MDN1: variants seen among roughly 807,000 people sequenced by gnomAD.
MDN1 encodes the protein midasin AAA ATPase 1.
MDN1 carries 266 observed loss-of-function variants against 669.2 expected under a neutral mutation model. The observed-to-expected ratio is 0.40, with a 90% CI of 0.36 to 0.44. MDN1 has a LOEUF of 0.44. Ranked by LOEUF, MDN1 falls within the 20% of genes least tolerant of loss-of-function variation. The pLI, the probability that MDN1 is intolerant of heterozygous loss-of-function variation, is 1.00. For missense variants in MDN1, 5,940 were observed against 6,754.0 expected (o/e 0.88, Z 4.22); for synonymous variants, 2,385 against 2,457.1 (o/e 0.97, Z 0.87).
chr6:89,732,037 A>C (rs1371023001), intron 34 of MDN1, among the ~76,000 whole-genome samples: 2 of 151,926 alleles, frequency 1.3e-5, no homozygotes, highest in Non-Finnish European at 2.9e-5. Context: ...AAATTATACA[A>C]CCCAACCCCG....
chr6:89,753,908 A>T (rs1325975955), intron 21 of MDN1, among the ~76,000 whole-genome samples, 175 bp downstream of exon 21: 1 of 152,200 alleles, frequency 6.6e-6, no homozygotes, highest in Admixed American at 6.5e-5. Flanking sequence ...TAAAAATTTT[A>T]AAATAAAAAG....
chr6:89,720,823 G>T (rs943276943), intron 40 of MDN1, among the ~76,000 whole-genome samples: 1 of 152,144 alleles, frequency 6.6e-6, no homozygotes, highest in Non-Finnish European at 1.5e-5. Context: ...ATTAGATTCT[G>T]AATACCACAC....
chr6:89,803,826 C>CCGCCTCAGCCTCCCAAAG (rs1767826846), intron 1 of MDN1, among the ~76,000 whole-genome samples: 1 of 151,648 alleles, frequency 6.6e-6, no homozygotes, highest in Admixed American at 6.6e-5. Context: ...CGTGATCCGC[C>CCGCCTCAGCCTCCCAAAG]CGCCTCAGCC....
intron 1 of MDN1, among the ~76,000 whole-genome samples, chr6:89,804,982 A>G (rs1304313024): frequency 7.3e-6 from 1 of 137,116 alleles, no homozygotes; most frequent in Non-Finnish European, 1.5e-5. Flanking sequence ...GCCTGTAGTG[A>G]GCCGAGATCG....
In MDN1 at chr6:89,693,285, GA is replaced by G. The variant is rs1487376660; in HGVS notation, c.9882-138del. The G allele has an allele frequency of 3.7e-5, 23 of 628,406 alleles. No individual in the cohort carries two copies. In the Admixed American group the frequency reaches 5.3e-4, roughly 14 times the overall value. 38.9% of individuals were successfully genotyped at this position (628,406 alleles called of 1,614,324 possible). ...ATATTTCCAATATCATCTCAGTTGT[GA>G]TAATACTGACAATTAGTTAATGAAA... is the stretch of plus-strand genomic sequence containing the variant. On this transcript the variant is annotated intron_variant, in intron 62 of 101. Coordinates refer to ENST00000369393, the MANE Select transcript of MDN1 (RefSeq NM_014611.3).
At chr6:89,782,652 T>A (rs1479053343) in intron 9 of MDN1, among the ~76,000 whole-genome samples, 1 of 150,598 alleles carries the variant, frequency 6.6e-6, no homozygotes, top group Non-Finnish European at 1.5e-5. Flanking sequence ...AGATATAAAA[T>A]CAGTTAAGCT....
rs781651734 is a variant in MDN1, at chr6:89,662,918, G to A, written c.14286C>T (p.His4762=). 6.2e-7 allele frequency: 1 copy of A among 1,614,070 alleles called. No homozygotes were observed. Among genetic ancestry groups the A allele is most frequent in the Non-Finnish European group, 8.5e-7 (1 of 1,180,012 alleles). ...SDSEGGDLDK[H]MGDLNGEEAD... Reference sequence around the variant, plus strand: ...CTTCCTCACCATTGAGATCGCCCATGTGTTTATCCAGGTCTCCGCCCTCAC... The same window carrying A: ...CTTCCTCACCATTGAGATCGCCCATATGTTTATCCAGGTCTCCGCCCTCAC... The change falls in exon 86 of 102, where the codon CAC becomes CAT. Residue 4762 remains histidine (H), a synonymous_variant. Transcript: ENST00000369393.
In MDN1 at chr6:89,718,572, C is replaced by T; in HGVS notation, c.6377G>A (p.Arg2126Lys). 2 of 1,614,186 alleles carry T rather than the reference C, an allele frequency of 1.2e-6. No homozygotes were observed. The highest frequency in any genetic ancestry group is 1.7e-6 in the Non-Finnish European group (2 of 1,180,022). Residue 2126 changes from arginine to lysine, a missense_variant, in exon 43 of 102, where the codon AGG (arginine) becomes AAG (lysine). By Grantham distance (26) the Arg-to-Lys change is conservative. Around this residue, in one of 5 missense-constraint regions of MDN1, gnomAD observed 2,292 missense variants for 2,638.3 expected, o/e 0.87. Coordinates refer to ENST00000369393, the MANE Select transcript of MDN1 (RefSeq NM_014611.3). ...AAGGAGGCTATCCCTTAACAGTGCCCTTACAGTTCCCTCCACCTTCTCTAG... is the reference window on the plus strand; with the variant it reads ...AAGGAGGCTATCCCTTAACAGTGCCTTTACAGTTCCCTCCACCTTCTCTAG... ...RLLEKVEGTV[R>K]ALLRDSLLIS...
At position 89,732,926 on chromosome 6, in the gene MDN1, C is replaced by T. The variant is rs1276117619; in HGVS notation, c.4724-151G>A. 3 of 651,638 alleles carry T rather than the reference C, an allele frequency of 4.6e-6. No individual in the cohort carries two copies. The East Asian group carries it at 8.2e-5, about 18-fold the overall frequency. 40.4% of individuals were successfully genotyped at this position (651,638 alleles called of 1,614,324 possible). A position where few individuals can be genotyped will look rare whatever the true frequency, so the allele number is the denominator to read the frequency against. On this transcript the variant is annotated intron_variant, in intron 33 of 101. Coordinates refer to ENST00000369393, the MANE Select transcript of MDN1 (RefSeq NM_014611.3). ...GAATGTACATAAATGCTGTTTCTAACAAAAGCAGCCTGCAGCTTTGATCAA... is the reference window on the plus strand; with the variant it reads ...GAATGTACATAAATGCTGTTTCTAATAAAAGCAGCCTGCAGCTTTGATCAA...
intron 1 of MDN1, among the ~76,000 whole-genome samples, chr6:89,805,034 CAAAAA>C (rs34538984): frequency 1.7e-5 from 1 of 58,518 alleles, no homozygotes. Flanking sequence ...GACTCCGTCT[CAAAAA>C]AAAAAAAAAA....
chr6:89,646,531 G>A lies in MDN1; in HGVS notation c.16459+9C>T, dbSNP rs1296667445. 6.2e-7 allele frequency: 1 copy of A among 1,613,336 alleles called. No individual in the cohort carries two copies. Among genetic ancestry groups the A allele is most frequent in the Non-Finnish European group, 8.5e-7 (1 of 1,179,358 alleles). On this transcript the variant is annotated intron_variant, in intron 100 of 101. Coordinates refer to ENST00000369393, the MANE Select transcript of MDN1 (RefSeq NM_014611.3). ...ATTTTGTTAATGAAGAGGAAGGCAT[G>A]CAGCTCACCTGAACTGATGTTCTGC...
intron 1 of MDN1, among the ~76,000 whole-genome samples, chr6:89,811,337 A>G (rs1768401132): frequency 6.6e-6 from 1 of 152,146 alleles, no homozygotes; most frequent in Non-Finnish European, 1.5e-5. Flanking sequence ...CTCCTTCTGT[A>G]AGCCCAGGGG....
At chr6:89,708,049 C>T (rs901322640) in intron 51 of MDN1, among the ~76,000 whole-genome samples, 7 of 152,066 alleles carry the variant, frequency 4.6e-5, no homozygotes, top group Non-Finnish European at 8.8e-5. Context: ...CACCTATAAC[C>T]CCGGCACTTT....
intron 59 of MDN1, among the ~76,000 whole-genome samples, chr6:89,698,504 T>G (rs1380591282): frequency 6.6e-6 from 1 of 152,240 alleles, no homozygotes; most frequent in African/African-American, 2.4e-5. Flanking sequence ...ACGTATGTAT[T>G]TAATATAAAA....
At position 89,658,995 on chromosome 6, in the gene MDN1, C is replaced by A; in HGVS notation, c.14714-78G>T. Reference sequence around the variant, plus strand: ...TTTCTTAAGCTGGGAGCTACTTATGCAAGTTTTGTCTTATTACAATTCTCT... The same window carrying A: ...TTTCTTAAGCTGGGAGCTACTTATGAAAGTTTTGTCTTATTACAATTCTCT... On this transcript the variant is annotated intron_variant, in intron 88 of 101. Coordinates refer to ENST00000369393, the MANE Select transcript of MDN1 (RefSeq NM_014611.3). 7.3e-6 allele frequency: 10 copies of A among 1,367,990 alleles called. No homozygotes were observed. In the South Asian group the frequency reaches 1.4e-4, roughly 19 times the overall value. The allele number at this position is 1,367,990 out of a possible 1,614,324, so 84.7% of individuals were successfully genotyped here.
intron 29 of MDN1, 127 bp downstream of exon 29, chr6:89,745,146 A>AAG (rs1334677953): frequency 9.1e-6 from 9 of 986,964 alleles, no homozygotes; most frequent in East Asian, 3.8e-5. Flanking sequence ...AAAAAAAAAA[A>AAG]AAAAAAGAAA....
At position 89,749,330 on chromosome 6, in the gene MDN1, G is replaced by C. The variant is rs1224769990; in HGVS notation, c.3655C>G (p.His1219Asp). Residue 1219 changes from histidine to aspartate, a missense_variant, in exon 26 of 102, where the codon CAC becomes GAC. His to Asp is a moderately conservative substitution (Grantham distance 81, BLOSUM62 -1). Transcript: ENST00000369393. ...RAFRNRFVELHFDELPSSELE... is the reference protein window; with the variant it reads ...RAFRNRFVELDFDELPSSELE... ...TCGGAGCTAGGTAACTCATCAAAGT[G>C]CAATTCCACAAACCGATTCCTGAAG... 1.2e-6 allele frequency: 2 copies of C among 1,614,130 alleles called. No individual in the cohort carries two copies. The highest frequency in any genetic ancestry group is 2.2e-5 in the South Asian group (2 of 91,082).
At chr6:89,672,431 C>T (rs715203) in intron 81 of MDN1, 68 bp from the exon 82 acceptor site, 1 of 1,597,066 alleles carries the variant, frequency 6.3e-7, no homozygotes, top group East Asian at 2.2e-5. Flanking sequence ...TTATCTCTAT[C>T]CATGCAGTTA....
chr6:89,710,634 A>G (rs761466361), intron 50 of MDN1, 47 bp downstream of exon 50: 4 of 1,126,912 alleles, frequency 3.5e-6, no homozygotes, highest in Non-Finnish European at 5.0e-6. Context: ...AAGTCAAAAG[A>G]TAAGTTTCCA....
Sources: allele counts gnomAD v4.1 joint callset (sites outside exome capture counted in the v4.1 genomes callset), GRCh38; gene constraint gnomAD v4.1.1; regional missense constraint gnomAD v4.1.1; transcripts MANE v1.5; gene names NCBI Gene and HGNC (gene_info 2026-07-23, HGNC 2026-07-21).